Variants in UNC13C observed in about 807,000 individuals in gnomAD.
The protein encoded by UNC13C is unc-13 homolog C.
In UNC13C, 174 loss-of-function variants were observed where a neutral mutation model predicts 245.4. The observed-to-expected ratio is 0.71, with a 90% CI of 0.63 to 0.80. The LOEUF (loss-of-function observed/expected upper bound fraction) is 0.80, where lower values mean the gene tolerates loss of function less well. UNC13C is among the 30% of genes least tolerant of loss of function. The pLI is 0.00. For missense variants in UNC13C, 2,829 were observed against 2,602.9 expected (o/e 1.09, Z -1.89); for synonymous variants, 992 against 895.1 (o/e 1.11, Z -1.93).
chr15:53,867,710 G>T, the UNC13C span, among the ~76,000 whole-genome samples: 1 of 152,156 alleles, frequency 6.6e-6, no homozygotes, highest in Non-Finnish European at 1.5e-5. Context: ...TGTGAGGATT[G>T]ATTTCCTTCC....
At chr15:54,284,220 A>G (rs192428193) in intron 10 of UNC13C, among the ~76,000 whole-genome samples, 3 of 152,356 alleles carry the variant, frequency 2.0e-5, no homozygotes, top group African/African-American at 7.2e-5. Context: ...AATATCAAAC[A>G]TACATCCAAA....
intron 10 of UNC13C, among the ~76,000 whole-genome samples, chr15:54,286,491 T>G (rs2140925134): frequency 6.6e-6 from 1 of 152,250 alleles, no homozygotes; most frequent in Non-Finnish European, 1.5e-5. Context: ...CAGGAATTTG[T>G]TTTTTTCCAT....
At chr15:54,103,681 T>C (rs1299249513) in intron 2 of UNC13C, among the ~76,000 whole-genome samples, 3 of 152,166 alleles carry the variant, frequency 2.0e-5, no homozygotes, top group African/African-American at 2.4e-5. Flanking sequence ...ACCTGTGCCA[T>C]CACCATCAGA....
chr15:53,904,572 T>C, the UNC13C span, among the ~76,000 whole-genome samples: 1 of 152,174 alleles, frequency 6.6e-6, no homozygotes, highest in Non-Finnish European at 1.5e-5. Flanking sequence ...CATATTACTT[T>C]CACAAAGTAA....
chr15:54,241,786 G>C (rs76319222), intron 7 of UNC13C, among the ~76,000 whole-genome samples: 6,417 of 152,268 alleles, frequency 0.042, 437 homozygotes, highest in African/African-American at 0.15. Context: ...TGTGATCGGG[G>C]CTGCAGAATA....
chr15:54,619,055 G>GTA (rs1414926572), intron 30 of UNC13C, among the ~76,000 whole-genome samples: 1 of 152,106 alleles, frequency 6.6e-6, no homozygotes, highest in African/African-American at 2.4e-5. Context: ...TCTTCTCATG[G>GTA]TATAGTAAGG....
At chr15:54,575,857 CT>C (rs1312005547) in intron 30 of UNC13C, among the ~76,000 whole-genome samples, 39 of 152,184 alleles carry the variant, frequency 2.6e-4, no homozygotes, top group African/African-American at 8.7e-4. Context: ...TCTCTAGAGT[CT>C]TAAGTGTAAA....
chr15:54,130,916 G>A (rs12591674), intron 2 of UNC13C, among the ~76,000 whole-genome samples: 57,267 of 151,966 alleles, frequency 0.38, 10,861 homozygotes, highest in African/African-American at 0.4. Context: ...TAAAAGTTGC[G>A]TGACCAATGG....
At chr15:53,900,907 G>A in the UNC13C span, among the ~76,000 whole-genome samples, 7 of 151,984 alleles carry the variant, frequency 4.6e-5, no homozygotes, top group Non-Finnish European at 7.4e-5. Flanking sequence ...AGGGTTTAAC[G>A]TACATTCATT....
At chr15:54,006,436 A>AT (rs928321222) in intron 1 of UNC13C, among the ~76,000 whole-genome samples, 34 of 152,154 alleles carry the variant, frequency 2.2e-4, no homozygotes, top group Admixed American at 2.6e-4. Flanking sequence ...TGATTTGATC[A>AT]TTTTTGTTGA....
At chr15:54,562,110 G>A (rs1002719377) in intron 29 of UNC13C, among the ~76,000 whole-genome samples, 1 of 151,948 alleles carries the variant, frequency 6.6e-6, no homozygotes, top group Non-Finnish European at 1.5e-5. Context: ...TTAAGAACCT[G>A]CTTGAGATAG....
chr15:54,073,917 C>T (rs956019629), intron 2 of UNC13C, among the ~76,000 whole-genome samples: 5 of 151,970 alleles, frequency 3.3e-5, no homozygotes, highest in South Asian at 4.1e-4. Flanking sequence ...CTTTTGTTGC[C>T]GTTGTTTTTG....
At chr15:54,568,219 C>A (rs1437692224) in intron 30 of UNC13C, among the ~76,000 whole-genome samples, 2 of 152,026 alleles carry the variant, frequency 1.3e-5, no homozygotes, top group African/African-American at 4.8e-5. Context: ...CATAAAACTA[C>A]TTTAAGTAAA....
the UNC13C span, among the ~76,000 whole-genome samples, chr15:53,884,229 C>T: frequency 6.6e-6 from 1 of 152,156 alleles, no homozygotes; most frequent in African/African-American, 2.4e-5. Flanking sequence ...GGGACCTGTC[C>T]AGGTCATATG....
In UNC13C at chr15:54,143,698, T is replaced by G. The variant is rs768196295; in HGVS notation, c.3071+14T>G. On this transcript the variant is annotated intron_variant, in intron 4 of 32. Coordinates refer to ENST00000260323, the MANE Select transcript of UNC13C (RefSeq NM_001080534.3). ...GGTGTGTGGTGGGTAAGTACCTTCA[T>G]ACCTTTCTAATTTATTCCATTCATA... 1 of 1,608,174 alleles carries G rather than the reference T, an allele frequency of 6.2e-7. No homozygotes were observed. Among genetic ancestry groups the G allele is most frequent in the Admixed American group, 1.7e-5 (1 of 59,902 alleles).
At chr15:54,237,945 C>T (rs1315200977) in intron 7 of UNC13C, among the ~76,000 whole-genome samples, 2 of 152,136 alleles carry the variant, frequency 1.3e-5, no homozygotes, top group Non-Finnish European at 2.9e-5. Context: ...CTGTTATTCT[C>T]CCTGTGGAAA....
In UNC13C at chr15:54,014,202, G is replaced by A; in HGVS notation, c.1299G>A (p.Lys433=). Residue 433 remains lysine, a synonymous_variant, in exon 2 of 33, where the codon AAG becomes AAA. Coordinates refer to ENST00000260323, the MANE Select transcript of UNC13C (RefSeq NM_001080534.3). ...AGACATATGAGAGCATGGCTATAAA[G>A]TTGTCTACTCCAGAGCCAAAAATCA... ...SSQTYESMAI[K]LSTPEPKIKK... is the part of the protein sequence containing the mutation. 6.2e-7 allele frequency: 1 copy of A among 1,613,928 alleles called. No homozygotes were observed. The highest frequency in any genetic ancestry group is 2.2e-5 in the East Asian group (1 of 44,872).
chr15:54,430,820 G>A (rs73419633), intron 19 of UNC13C, among the ~76,000 whole-genome samples: 14,811 of 151,672 alleles, frequency 0.098, 1,021 homozygotes, highest in African/African-American at 0.19. Flanking sequence ...TATTCCACTG[G>A]GAGGTTCTGG....
At chr15:54,179,432 G>T in intron 4 of UNC13C, among the ~76,000 whole-genome samples, 1 of 151,990 alleles carries the variant, frequency 6.6e-6, no homozygotes. Context: ...TTTCACTAAA[G>T]AGTTGAAATA....
Sources: gnomAD v4.1 joint callset for allele counts (sites outside exome capture counted in the v4.1 genomes callset) on GRCh38, gnomAD v4.1.1 for gene constraint, MANE v1.5 for transcripts, NCBI Gene and HGNC (gene_info 2026-07-23, HGNC 2026-07-21) for gene names.